PPM1E: variants seen among roughly 807,000 people sequenced by gnomAD.
PPM1E encodes protein phosphatase, Mg2+/Mn2+ dependent 1E.
In PPM1E, 20 loss-of-function variants were observed where a neutral mutation model predicts 65.9. The ratio of observed to expected loss-of-function variants is 0.30; its 90% CI spans 0.21 to 0.44. PPM1E has a LOEUF of 0.44. PPM1E is among the 20% of genes least tolerant of loss of function. The pLI, the probability that PPM1E is intolerant of heterozygous loss-of-function variation, is 1.00. For missense variants in PPM1E, 713 were observed against 953.1 expected, an observed-to-expected ratio of 0.75 and a Z score of 3.32; for synonymous variants, 352 against 374.9, an observed-to-expected ratio of 0.94 and a Z score of 0.70.
At chr17:58,920,966 G>A (rs1023534034) in intron 1 of PPM1E, among the ~76,000 whole-genome samples, 12 of 152,196 alleles carry the variant, frequency 7.9e-5, no homozygotes, top group Non-Finnish European at 1.8e-4. Context: ...ACCAAGAGAA[G>A]TGGTGACCTA....
At chr17:58,876,347 T>C (rs577989776) in intron 1 of PPM1E, among the ~76,000 whole-genome samples, 2 of 152,316 alleles carry the variant, frequency 1.3e-5, no homozygotes, top group South Asian at 4.1e-4. Flanking sequence ...ATAGCCTTAA[T>C]TTTATCAGTA....
chr17:58,931,735 G>C (rs1358012430), intron 1 of PPM1E, among the ~76,000 whole-genome samples: 3 of 152,062 alleles, frequency 2.0e-5, no homozygotes, highest in Non-Finnish European at 4.4e-5. Flanking sequence ...TGTGATCCAA[G>C]GTTTTATATC....
chr17:58,756,478 T>C lies in PPM1E; in HGVS notation c.464+17T>C, dbSNP rs2049765632. ...CTACAAATAGTTAAGTAGCTGGGCT[T>C]GGCTGGTGGTGGGCCCGCGGTCCCC... is the stretch of plus-strand genomic sequence containing the variant. On this transcript the variant is annotated intron_variant, in intron 1 of 6. Coordinates refer to ENST00000308249, the MANE Select transcript of PPM1E (RefSeq NM_014906.5). The C allele has an allele frequency of 1.6e-6, 2 of 1,271,438 alleles. No homozygotes were observed. Among genetic ancestry groups the C allele is most frequent in the Non-Finnish European group, 2.0e-6 (2 of 1,006,340 alleles). The allele number at this position is 1,271,438 out of a possible 1,614,324, so 78.8% of individuals were successfully genotyped here. A position where few individuals can be genotyped will look rare whatever the true frequency, so the allele number is the denominator to read the frequency against.
chr17:58,830,244 A>G (rs1387621674), intron 1 of PPM1E, among the ~76,000 whole-genome samples: 1 of 152,022 alleles, frequency 6.6e-6, no homozygotes, highest in Non-Finnish European at 1.5e-5. Flanking sequence ...CAGAATTTTG[A>G]AGGCATTAGT....
chr17:58,760,743 A>G (rs899741073), intron 1 of PPM1E, among the ~76,000 whole-genome samples: 6 of 152,216 alleles, frequency 3.9e-5, no homozygotes, highest in Non-Finnish European at 8.8e-5. Flanking sequence ...TGAAGATGCT[A>G]TGCAAAACCT....
intron 1 of PPM1E, among the ~76,000 whole-genome samples, chr17:58,825,224 T>TCACACACACA (rs71367635): frequency 8.1e-4 from 114 of 140,156 alleles, no homozygotes; most frequent in African/African-American, 1.2e-3. Flanking sequence ...ACACACACAC[T>TCACACACACA]CACACACACA....
At chr17:58,931,083 A>AG (rs1279906857) in intron 1 of PPM1E, among the ~76,000 whole-genome samples, 66 of 141,434 alleles carry the variant, frequency 4.7e-4, no homozygotes, top group South Asian at 1.1e-3. Context: ...AAAAAAAAAA[A>AG]AAAGAAAGAA....
At chr17:58,940,514 T>G (rs2052049963) in intron 1 of PPM1E, among the ~76,000 whole-genome samples, 2 of 152,234 alleles carry the variant, frequency 1.3e-5, no homozygotes, top group South Asian at 4.1e-4. Context: ...AAAAATTATA[T>G]TAACTGTGAC....
At chr17:58,952,998 G>A (rs1265405746) in intron 1 of PPM1E, among the ~76,000 whole-genome samples, 4 of 152,038 alleles carry the variant, frequency 2.6e-5, no homozygotes, top group African/African-American at 9.7e-5. Context: ...CTTAATGACA[G>A]CTCCTTAACT....
intron 1 of PPM1E, among the ~76,000 whole-genome samples, chr17:58,937,759 A>C (rs2052003163): frequency 6.7e-6 from 1 of 149,958 alleles, no homozygotes; most frequent in Admixed American, 6.6e-5. Context: ...AGGCACCTCT[A>C]ATCCCAGCTA....
At chr17:58,837,689 G>C (rs1286056981) in intron 1 of PPM1E, among the ~76,000 whole-genome samples, 1 of 151,838 alleles carries the variant, frequency 6.6e-6, no homozygotes, top group Admixed American at 6.6e-5. Context: ...GTAGAGACAG[G>C]GTTTCACCGT....
At chr17:58,767,338 C>T (rs185092808) in intron 1 of PPM1E, among the ~76,000 whole-genome samples, 10 of 152,266 alleles carry the variant, frequency 6.6e-5, no homozygotes, top group Non-Finnish European at 1.5e-4. Context: ...TTTTCACCAT[C>T]AGCAGTGTCA....
chr17:58,890,658 T>C (rs1019079248), intron 1 of PPM1E, among the ~76,000 whole-genome samples: 2 of 152,166 alleles, frequency 1.3e-5, no homozygotes, highest in African/African-American at 2.4e-5. Flanking sequence ...TATATATATA[T>C]ACATGAATGT....
At chr17:58,880,265 G>T (rs1036850913) in intron 1 of PPM1E, among the ~76,000 whole-genome samples, 2 of 152,154 alleles carry the variant, frequency 1.3e-5, no homozygotes, top group African/African-American at 4.8e-5. Context: ...AAACAGAAAA[G>T]AGGCTAGAAG....
intron 1 of PPM1E, among the ~76,000 whole-genome samples, chr17:58,852,424 G>A (rs932615166): frequency 6.6e-6 from 1 of 152,048 alleles, no homozygotes; most frequent in Admixed American, 6.6e-5. Context: ...ACAGTGCACA[G>A]GGTTCTGATT....
At chr17:58,767,314 A>G (rs1399421791) in intron 1 of PPM1E, among the ~76,000 whole-genome samples, 1 of 152,204 alleles carries the variant, frequency 6.6e-6, no homozygotes, top group Non-Finnish European at 1.5e-5. Context: ...GGCACACAGA[A>G]TTTAAAGAAC....
At chr17:58,901,069 A>G (rs554304196) in intron 1 of PPM1E, among the ~76,000 whole-genome samples, 1 of 152,320 alleles carries the variant, frequency 6.6e-6, no homozygotes, top group East Asian at 1.9e-4. Flanking sequence ...TCCAAAATCC[A>G]GGCTTTTACC....
In PPM1E at chr17:58,930,804, T is replaced by C. The variant is rs529917911; in HGVS notation, c.465-24845T>C. ...AAATTAACCAAGTGTTTAAAAGGAATAGAGAGCCAATGTAAGATGTAGAAC... is the reference window on the plus strand; with the variant it reads ...AAATTAACCAAGTGTTTAAAAGGAACAGAGAGCCAATGTAAGATGTAGAAC... On this transcript the variant is annotated intron_variant, in intron 1 of 6. Coordinates refer to ENST00000308249, the MANE Select transcript of PPM1E (RefSeq NM_014906.5). Among the ~76,000 whole-genome samples the C allele has an allele frequency of 1.8e-4, 27 of 152,158 alleles. No individual in the cohort carries two copies. The South Asian group carries it at 5.6e-3, about 32-fold the overall frequency.
intron 2 of PPM1E, among the ~76,000 whole-genome samples, chr17:58,957,826 A>C (rs970294707): frequency 6.6e-6 from 1 of 152,208 alleles, no homozygotes; most frequent in Non-Finnish European, 1.5e-5. Context: ...TGGTAGATAC[A>C]ACTTTTGTCC....
Sources: gnomAD v4.1 joint callset for allele counts (sites outside exome capture counted in the v4.1 genomes callset) on GRCh38, gnomAD v4.1.1 for gene constraint, MANE v1.5 for transcripts, NCBI Gene and HGNC (gene_info 2026-07-23, HGNC 2026-07-21) for gene names.